Variants in KRABD3 observed in about 807,000 individuals in gnomAD.
The protein encoded by KRABD3 is KRAB domain-containing protein 3.
At chr7:149,720,075 A>C in the KRABD3 span, 1 of 1,552,448 alleles carries the variant, frequency 6.4e-7, no homozygotes, top group Non-Finnish European at 8.7e-7. Context: ...CTGTTGGGGG[A>C]GGGAGCCACG....
At chr7:149,732,322 G>GGC in the KRABD3 span, among the ~76,000 whole-genome samples, 1 of 152,188 alleles carries the variant, frequency 6.6e-6, no homozygotes, top group African/African-American at 2.4e-5. This position sits in a 1 kb window ranked among gnomAD's most constrained non-coding sequence, Gnocchi z 4.0. Flanking sequence ...AGAAGTCCTA[G>GGC]CTGGGGTCTC....
chr7:149,733,390 G>A, the KRABD3 span: 1 of 1,611,386 alleles, frequency 6.2e-7, no homozygotes, highest in Non-Finnish European at 8.5e-7. Flanking sequence ...CCCTTGCGGA[G>A]AAGCTGGATC....
chr7:149,732,967 G>A, the KRABD3 span, among the ~76,000 whole-genome samples: 2 of 152,196 alleles, frequency 1.3e-5, no homozygotes, highest in African/African-American at 2.4e-5. This position sits in a 1 kb window ranked among gnomAD's most constrained non-coding sequence, Gnocchi z 4.0. Context: ...TGGTTACCAC[G>A]GAAACCCAAC....
At chr7:149,722,962 T>G in the KRABD3 span, 2 of 1,566,892 alleles carry the variant, frequency 1.3e-6, no homozygotes, top group Non-Finnish European at 8.6e-7. Context: ...GGCAGGTGAG[T>G]TCTGGGGCCT....
At chr7:149,724,624 T>TG in the KRABD3 span, 1 of 1,483,938 alleles carries the variant, frequency 6.7e-7, no homozygotes, top group Non-Finnish European at 9.0e-7. Flanking sequence ...GCCTGAACCT[T>TG]GGGCTTCCCA....
the KRABD3 span, chr7:149,724,878 G>A: frequency 6.6e-7 from 1 of 1,519,064 alleles, no homozygotes; most frequent in African/African-American, 1.4e-5. Flanking sequence ...TGCTCTGGTG[G>A]TCTTCCCCAT....
At chr7:149,731,460 C>T in the KRABD3 span, among the ~76,000 whole-genome samples, 9 of 152,318 alleles carry the variant, frequency 5.9e-5, no homozygotes, top group African/African-American at 2.2e-4. Context: ...CTGCCGGAGC[C>T]CCCTGCATAC....
At chr7:149,727,191 G>A in the KRABD3 span, among the ~76,000 whole-genome samples, 2 of 151,992 alleles carry the variant, frequency 1.3e-5, no homozygotes, top group Non-Finnish European at 2.9e-5. Context: ...TTGTCCTGCC[G>A]ACACCACTCC....
the KRABD3 span, among the ~76,000 whole-genome samples, chr7:149,718,033 G>A: frequency 6.6e-6 from 1 of 152,088 alleles, no homozygotes; most frequent in Non-Finnish European, 1.5e-5. Context: ...CCTGACCTCA[G>A]GTGATCCACC....
At chr7:149,719,815 C>T in the KRABD3 span, 1 of 1,235,352 alleles carries the variant, frequency 8.1e-7, no homozygotes, top group Middle Eastern at 2.0e-4. This position sits in a 1 kb window ranked among gnomAD's most constrained non-coding sequence, Gnocchi z 5.6. Flanking sequence ...ATTCTATGTC[C>T]CGGGACCGGG....
chr7:149,729,122 C>T, the KRABD3 span: 2 of 1,274,076 alleles, frequency 1.6e-6, no homozygotes, highest in Non-Finnish European at 2.1e-6. Context: ...TGTTCCCTGT[C>T]CCTTCTTCTG....
At chr7:149,718,718 T>C in the KRABD3 span, among the ~76,000 whole-genome samples, 3 of 152,110 alleles carry the variant, frequency 2.0e-5, no homozygotes, top group East Asian at 5.8e-4. Context: ...TTTCACCATA[T>C]TGGCCAGCCT....
chr7:149,719,526 C>G, the KRABD3 span: 5 of 1,549,200 alleles, frequency 3.2e-6, no homozygotes, highest in Middle Eastern at 2.2e-4. This position sits in a 1 kb window ranked among gnomAD's most constrained non-coding sequence, Gnocchi z 5.6. Flanking sequence ...AACCAACCCC[C>G]CCGGAGACTG....
the KRABD3 span, chr7:149,719,651 T>C: frequency 6.2e-7 from 1 of 1,606,998 alleles, no homozygotes; most frequent in Non-Finnish European, 8.5e-7. The surrounding 1 kb of genome is among the most constrained non-coding windows in gnomAD (Gnocchi z 5.6). Flanking sequence ...GCGGGAGAAC[T>C]ACGAGACGCT....
At chr7:149,726,551 CCA>C in the KRABD3 span, among the ~76,000 whole-genome samples, 2 of 151,920 alleles carry the variant, frequency 1.3e-5, no homozygotes, top group South Asian at 2.1e-4. Context: ...GATTCTCCTG[CCA>C]CAGTCTCCCG....
At chr7:149,718,105 G>GT in the KRABD3 span, among the ~76,000 whole-genome samples, 1 of 151,418 alleles carries the variant, frequency 6.6e-6, no homozygotes, top group African/African-American at 2.4e-5. Context: ...GCCTGGGACA[G>GT]TTTTTAGAAT....
At chr7:149,716,181 G>A in the KRABD3 span, among the ~76,000 whole-genome samples, 12 of 152,318 alleles carry the variant, frequency 7.9e-5, no homozygotes, top group East Asian at 2.1e-3. Flanking sequence ...AGGCCCACTG[G>A]GAGAGCAGGT....
At chr7:149,722,938 G>A in the KRABD3 span, 4 of 1,602,450 alleles carry the variant, frequency 2.5e-6, no homozygotes, top group Admixed American at 1.8e-5. Context: ...CCTGGGGCCT[G>A]GGAGCCCGCC....
chr7:149,724,688 A>G, the KRABD3 span: 2 of 1,547,742 alleles, frequency 1.3e-6, no homozygotes, highest in Non-Finnish European at 1.7e-6. Context: ...CCCCATCCTG[A>G]TCTTGGAGCT....
Sources: allele counts gnomAD v4.1 joint callset (sites outside exome capture counted in the v4.1 genomes callset), GRCh38; gene constraint gnomAD v4.1.1; non-coding constraint Gnocchi (gnomAD v3.1); transcripts MANE v1.5; gene names NCBI Gene and HGNC (gene_info 2026-07-23, HGNC 2026-07-21).